The following PTPRD variants were observed in gnomAD, a reference collection of about 807,000 sequenced individuals.
PTPRD encodes the protein protein tyrosine phosphatase receptor type D.
PTPRD carries 34 observed loss-of-function variants against 214.5 expected under a neutral mutation model. That is an observed-to-expected ratio of 0.16 (90% CI 0.12 to 0.21). The LOEUF (loss-of-function observed/expected upper bound fraction) is 0.21, where lower values mean the gene tolerates loss of function less well. Ranked by LOEUF, PTPRD falls within the 10% of genes least tolerant of loss-of-function variation. The probability of loss-of-function intolerance (pLI) is 1.00; values close to 1 mark genes in which losing one functional copy is unlikely to be tolerated. For missense variants in PTPRD, 2,545 were observed against 2,398.7 expected (o/e 1.06, Z -1.27); for synonymous variants, 1,128 against 845.7 (o/e 1.33, Z -5.79).
intron 3 of PTPRD, among the ~76,000 whole-genome samples, chr9:10,064,678 C>A (rs1252288478): frequency 1.3e-5 from 2 of 151,870 alleles, no homozygotes; most frequent in Non-Finnish European, 2.9e-5. Flanking sequence ...AATTAACCCA[C>A]AAAAACCATA....
chr9:10,446,618 T>C (rs56394423), intron 2 of PTPRD, among the ~76,000 whole-genome samples: 8,594 of 152,020 alleles, frequency 0.057, 304 homozygotes, highest in Middle Eastern at 0.15. Flanking sequence ...TAAAATATGA[T>C]GTAAGTGTGC....
intron 14 of PTPRD, among the ~76,000 whole-genome samples, chr9:8,612,776 A>G (rs939612200): frequency 1.3e-5 from 2 of 152,196 alleles, no homozygotes; most frequent in Non-Finnish European, 2.9e-5. Flanking sequence ...ACCTGCCTCA[A>G]CTTTTCTCCA....
At chr9:8,929,167 G>A (rs7853577) in intron 11 of PTPRD, among the ~76,000 whole-genome samples, 6,891 of 152,140 alleles carry the variant, frequency 0.045, 332 homozygotes, top group East Asian at 0.19. Context: ...TTTCCTAACT[G>A]AACACACTTG....
intron 7 of PTPRD, among the ~76,000 whole-genome samples, chr9:9,620,011 G>T (rs79105875): frequency 6.6e-6 from 1 of 151,704 alleles, no homozygotes; most frequent in East Asian, 1.9e-4. Context: ...AGAGAGAGGT[G>T]GAGAGAGTTT....
At chr9:8,774,527 C>CTTTTTAATTTTTTTT (rs2095383226) in intron 11 of PTPRD, among the ~76,000 whole-genome samples, 1 of 105,226 alleles carries the variant, frequency 9.5e-6, no homozygotes, top group Non-Finnish European at 1.8e-5. Flanking sequence ...TGAAAAGTAA[C>CTTTTTAATTTTTTTT]TTTTTTTTTT....
chr9:8,673,191 C>A (rs528137866), intron 12 of PTPRD, among the ~76,000 whole-genome samples: 12 of 151,830 alleles, frequency 7.9e-5, no homozygotes, highest in Admixed American at 4.6e-4. Flanking sequence ...TGAAACACAG[C>A]GGCTGTCTCC....
intron 2 of PTPRD, among the ~76,000 whole-genome samples, chr9:10,606,238 T>C (rs1386155041): frequency 6.6e-6 from 1 of 151,910 alleles, no homozygotes; most frequent in African/African-American, 2.4e-5. Flanking sequence ...GTGAAAGATT[T>C]ATCTTTCATC....
At chr9:10,098,037 T>C (rs1479767563) in intron 3 of PTPRD, among the ~76,000 whole-genome samples, 2 of 151,926 alleles carry the variant, frequency 1.3e-5, no homozygotes, top group Admixed American at 6.6e-5. Flanking sequence ...TAAAGACACA[T>C]GCACACGTAT....
Position 8,404,568 on chromosome 9 carries a change from A to C in PTPRD, c.4179T>G (p.Asp1393Glu). The change falls in exon 36 of 46, where the codon GAT becomes GAG. Residue 1393 changes from aspartate (D) to glutamate (E), a missense_variant. Coordinates refer to ENST00000381196, the MANE Select transcript of PTPRD (RefSeq NM_002839.4). ...TAGCTGATAGGAGAACCCGGGAATG[A>C]TCATATGCGATTACATTCGCGTATC... ...KNRYANVIAYDHSRVLLSAIE... is the reference protein window; with the variant it reads ...KNRYANVIAYEHSRVLLSAIE... 1 of 1,613,442 alleles carries C rather than the reference A, an allele frequency of 6.2e-7. No individual in the cohort carries two copies. Among genetic ancestry groups the C allele is most frequent in the East Asian group, 2.2e-5 (1 of 44,814 alleles).
chr9:10,481,415 C>A (rs966031331), intron 2 of PTPRD, among the ~76,000 whole-genome samples: 1 of 152,018 alleles, frequency 6.6e-6, no homozygotes, highest in Non-Finnish European at 1.5e-5. Flanking sequence ...AAAACATATT[C>A]ATAGATATCA....
intron 5 of PTPRD, among the ~76,000 whole-genome samples, chr9:9,922,381 C>T (rs2082798220): frequency 6.6e-6 from 1 of 152,044 alleles, no homozygotes; most frequent in African/African-American, 2.4e-5. Context: ...TTCACATAAT[C>T]AAGGGACCTG....
intron 11 of PTPRD, among the ~76,000 whole-genome samples, chr9:8,800,962 G>T (rs1193319698): frequency 1.3e-5 from 2 of 152,288 alleles, no homozygotes; most frequent in African/African-American, 4.8e-5. Flanking sequence ...TCCTGGATTT[G>T]AACATCAATG....
At chr9:10,564,192 T>TTTTG (rs2064948735) in intron 2 of PTPRD, among the ~76,000 whole-genome samples, 1 of 133,328 alleles carries the variant, frequency 7.5e-6, no homozygotes, top group African/African-American at 2.8e-5. Context: ...TTTTTTTTTT[T>TTTTG]TTTGAGACAT....
chr9:10,193,921 G>A (rs1593739629), intron 3 of PTPRD, among the ~76,000 whole-genome samples: 1 of 152,054 alleles, frequency 6.6e-6, no homozygotes, highest in African/African-American at 2.4e-5. Flanking sequence ...TCCGAAACAC[G>A]TTCCATTATA....
At chr9:9,083,322 C>A (rs1591312333) in intron 10 of PTPRD, among the ~76,000 whole-genome samples, 1 of 151,874 alleles carries the variant, frequency 6.6e-6, no homozygotes, top group East Asian at 1.9e-4. Context: ...ATTTAATAAT[C>A]CTGGTGTTGG....
At chr9:9,784,730 T>C (rs16930279) in intron 5 of PTPRD, among the ~76,000 whole-genome samples, 2,222 of 151,948 alleles carry the variant, frequency 0.015, 69 homozygotes, top group African/African-American at 0.05. Context: ...TCAAAATATA[T>C]TGTCCATGTT....
chr9:9,653,282 CAGTGAGCCG>C (rs1485245364), intron 7 of PTPRD, among the ~76,000 whole-genome samples: 1 of 129,268 alleles, frequency 7.7e-6, no homozygotes, highest in Non-Finnish European at 1.6e-5. Flanking sequence ...GCGGAGCTTG[CAGTGAGCCG>C]AGATTGCGCC....
intron 9 of PTPRD, among the ~76,000 whole-genome samples, chr9:9,344,571 C>T (rs757952496): frequency 1.3e-5 from 2 of 151,866 alleles, no homozygotes; most frequent in Non-Finnish European, 2.9e-5. Context: ...ATTTGTGATA[C>T]TTGTGTTCAG....
chr9:8,706,429 T>A (rs1054943991), intron 12 of PTPRD, among the ~76,000 whole-genome samples: 40 of 152,208 alleles, frequency 2.6e-4, no homozygotes, highest in Non-Finnish European at 3.5e-4. Context: ...CATCTCACAT[T>A]TCAGCAGCTA....
Sources: gnomAD v4.1 joint callset for allele counts (sites outside exome capture counted in the v4.1 genomes callset) on GRCh38, gnomAD v4.1.1 for gene constraint, MANE v1.5 for transcripts, NCBI Gene and HGNC (gene_info 2026-07-23, HGNC 2026-07-21) for gene names.